Variants in ASAP1 observed in about 807,000 individuals in gnomAD.
ASAP1 encodes the protein ArfGAP with SH3 domain, ankyrin repeat and PH domain 1.
ASAP1 carries 43 observed loss-of-function variants against 145.2 expected under a neutral mutation model. That is an observed-to-expected ratio of 0.30 (90% confidence interval 0.23 to 0.38). ASAP1 has a LOEUF of 0.38. Among genes scored for constraint, ASAP1 ranks in the 10% least tolerant of loss-of-function variants. ASAP1 has a pLI of 1.00. For synonymous variants in ASAP1, 546 were observed against 515.5 expected, an observed-to-expected ratio of 1.06 and a Z score of -0.80; for missense variants, 1,018 against 1,355.3, an observed-to-expected ratio of 0.75 and a Z score of 3.91.
chr8:130,385,722 G>A (rs1307959497), intron 2 of ASAP1, among the ~76,000 whole-genome samples: 1 of 152,164 alleles, frequency 6.6e-6, no homozygotes, highest in East Asian at 1.9e-4. Context: ...CCCAACAGAG[G>A]CTCTTCAACA....
At chr8:130,086,365 C>T (rs1380009791) in intron 25 of ASAP1, among the ~76,000 whole-genome samples, 3 of 152,326 alleles carry the variant, frequency 2.0e-5, no homozygotes, top group South Asian at 2.1e-4. Flanking sequence ...TTAACACATG[C>T]GAAGTGCTCA....
At position 130,230,431 on chromosome 8, in the gene ASAP1, T is replaced by C. The variant is rs567371107; in HGVS notation, c.259+6491A>G. Among the ~76,000 whole-genome samples the C allele has an allele frequency of 2.6e-5, 4 of 152,300 alleles. No individual in the cohort carries two copies. The South Asian group carries it at 8.3e-4, about 32-fold the overall frequency. On this transcript the variant is annotated intron_variant, in intron 4 of 29. Transcript: ENST00000518721. ...AGACACTGATTTTTAAACAGCATTCTTTTGAATCCCTCTAGTTTATCCCCA... is the reference window on the plus strand; with the variant it reads ...AGACACTGATTTTTAAACAGCATTCCTTTGAATCCCTCTAGTTTATCCCCA...
intron 1 of ASAP1, among the ~76,000 whole-genome samples, chr8:130,407,505 G>A (rs556162209): frequency 3.3e-5 from 5 of 152,294 alleles, no homozygotes; most frequent in South Asian, 2.1e-4. Context: ...AATATCTGTC[G>A]AAGGAGTGAG....
At chr8:130,140,088 A>G (rs2097606660) in intron 13 of ASAP1, among the ~76,000 whole-genome samples, 1 of 148,326 alleles carries the variant, frequency 6.7e-6, no homozygotes, top group Non-Finnish European at 1.5e-5. Flanking sequence ...GCTAGAGTGC[A>G]CTGGGGTGAT....
intron 3 of ASAP1, among the ~76,000 whole-genome samples, chr8:130,302,377 G>T (rs980341683): frequency 6.6e-6 from 1 of 152,200 alleles, no homozygotes; most frequent in Non-Finnish European, 1.5e-5. Context: ...AGAAAATGTG[G>T]CACTGTGAAC....
intron 3 of ASAP1, among the ~76,000 whole-genome samples, chr8:130,329,303 T>C (rs533136038): frequency 1.5e-4 from 23 of 152,352 alleles, no homozygotes; most frequent in African/African-American, 5.3e-4. Context: ...GGAACAGACA[T>C]TGGGTGGGAA....
chr8:130,064,436 G>A (rs1042603058), intron 27 of ASAP1, among the ~76,000 whole-genome samples: 2 of 152,102 alleles, frequency 1.3e-5, no homozygotes, highest in Admixed American at 6.6e-5. Context: ...TTTAACAGAC[G>A]GGGACACTGA....
intron 4 of ASAP1, among the ~76,000 whole-genome samples, chr8:130,235,734 A>G (rs1442916365): frequency 6.6e-6 from 1 of 152,156 alleles, no homozygotes; most frequent in Non-Finnish European, 1.5e-5. Context: ...AGAATGTCTC[A>G]AGGCCTAGGG....
intron 3 of ASAP1, among the ~76,000 whole-genome samples, chr8:130,258,208 G>A (rs10505548): frequency 0.21 from 31,356 of 152,036 alleles, 3,770 homozygotes; most frequent in East Asian, 0.44. Context: ...GTTAGGGCAC[G>A]TTTAGATGCT....
intron 5 of ASAP1, among the ~76,000 whole-genome samples, chr8:130,204,459 A>G (rs1346427465): frequency 6.6e-6 from 1 of 152,100 alleles, no homozygotes; most frequent in African/African-American, 2.4e-5. Context: ...TATGGTTACT[A>G]CCTGGTAGGG....
intron 7 of ASAP1, 74 bp downstream of exon 7, chr8:130,187,161 GT>G (rs1001676910): frequency 8.9e-3 from 9,463 of 1,065,856 alleles, no homozygotes; most frequent in Non-Finnish European, 0.01. Context: ...TTCCAGTTAA[GT>G]TTTTTTTTTT....
intron 3 of ASAP1, among the ~76,000 whole-genome samples, chr8:130,339,864 C>T (rs575345703): frequency 6.6e-6 from 1 of 152,238 alleles, no homozygotes; most frequent in African/African-American, 2.4e-5. Flanking sequence ...CCCTTGAAAT[C>T]CTGCAAGTCC....
intron 3 of ASAP1, among the ~76,000 whole-genome samples, chr8:130,268,504 C>CACAG (rs1480634535): frequency 7.1e-6 from 1 of 140,278 alleles, no homozygotes; most frequent in Non-Finnish European, 1.7e-5. Flanking sequence ...CACACACACA[C>CACAG]ACACACACAC....
chr8:130,120,238 C>A (rs1311497405), intron 18 of ASAP1, among the ~76,000 whole-genome samples: 1 of 152,244 alleles, frequency 6.6e-6, no homozygotes, highest in East Asian at 1.9e-4. Flanking sequence ...ACCAAAAGAA[C>A]GGCCCAAGCC....
At position 130,124,070 on chromosome 8, in the gene ASAP1, T is replaced by C; in HGVS notation, c.1550A>G (p.Asp517Gly). The C allele has an allele frequency of 3.7e-6, 6 of 1,607,610 alleles. No individual in the cohort carries two copies. Among genetic ancestry groups the C allele is most frequent in the Non-Finnish European group, 5.1e-6 (6 of 1,178,430 alleles). ...AKNVGNNSFN[D>G]IMEANLPSPS... ...GCTGGGTAAATTTGCTTCCATAATA[T>C]CATTAAAACTATTGTTTCCTACATT... is the stretch of plus-strand genomic sequence containing the variant. The change falls in exon 18 of 30, where the codon GAT becomes GGT. Residue 517 changes from aspartate (D) to glycine (G), a missense_variant. Around this residue, in one of 9 missense-constraint regions of ASAP1, gnomAD observed 153 missense variants for 221.6 expected, o/e 0.69. Coordinates refer to ENST00000518721, the MANE Select transcript of ASAP1 (RefSeq NM_018482.4).
intron 27 of ASAP1, among the ~76,000 whole-genome samples, 190 bp downstream of exon 27, chr8:130,076,158 T>C (rs1056751057): frequency 6.6e-6 from 1 of 152,250 alleles, no homozygotes; most frequent in Non-Finnish European, 1.5e-5. Flanking sequence ...GGTGCTTTGC[T>C]AATCACCAAA....
Position 130,112,266 on chromosome 8 carries a change from G to A in ASAP1, c.2229C>T (p.Ser743=), listed in dbSNP as rs2097548158. The A allele has an allele frequency of 6.2e-7, 1 of 1,614,230 alleles. No homozygotes were observed. The highest frequency in any genetic ancestry group is 1.3e-5 in the African/African-American group (1 of 75,052). ...CCAGCTTGTCCTGGGGGGAGATGCT[G>A]GAGGAGTGGCAGAAGCTCTGAGGTC... ...SPRPQSFCHS[S]SISPQDKLAL... The change falls in exon 24 of 30, where the codon TCC becomes TCT. Residue 743 remains serine, a synonymous_variant. Transcript: ENST00000518721.
chr8:130,357,863 G>T (rs1221342626), intron 3 of ASAP1, among the ~76,000 whole-genome samples, 154 bp downstream of exon 3: 1 of 152,236 alleles, frequency 6.6e-6, no homozygotes, highest in African/African-American at 2.4e-5. Context: ...GGAAGGCGCC[G>T]CCCGTCCGAA....
intron 3 of ASAP1, among the ~76,000 whole-genome samples, chr8:130,300,151 C>CAGAGAGAG (rs1234117059): frequency 1.2e-3 from 98 of 84,790 alleles, no homozygotes; most frequent in South Asian, 1.7e-3. Context: ...CACACACACA[C>CAGAGAGAG]ACAGAGAGAG....
Sources: allele counts gnomAD v4.1 joint callset (sites outside exome capture counted in the v4.1 genomes callset), GRCh38; gene constraint gnomAD v4.1.1; regional missense constraint gnomAD v4.1.1; transcripts MANE v1.5; gene names NCBI Gene and HGNC (gene_info 2026-07-23, HGNC 2026-07-21).